DGLUCY: variants seen among roughly 807,000 people sequenced by gnomAD.
DGLUCY encodes the protein D-glutamate cyclase, also known as D-glutamate cyclase, mitochondrial.
A neutral mutation model predicts 58.5 loss-of-function variants in DGLUCY; 58 were observed. That is an observed-to-expected ratio of 0.99 (90% CI 0.80 to 1.23). DGLUCY has a LOEUF of 1.23. Ranked by LOEUF, DGLUCY falls within the 50% of genes most tolerant of loss-of-function variation. The pLI is 0.00. For synonymous variants in DGLUCY, 325 were observed against 314.1 expected (o/e 1.03, Z -0.37); for missense variants, 779 against 784.7 (o/e 0.99, Z 0.09).
At chr14:91,215,364 C>G (rs755162003) in intron 12 of DGLUCY, 41 bp from the exon 13 acceptor site, 1 of 1,568,494 alleles carries the variant, frequency 6.4e-7, no homozygotes, top group South Asian at 1.2e-5. Flanking sequence ...AGACACATGA[C>G]TTTTCCAACT....
At chr14:91,110,430 CTTT>C (rs10711938), upstream of DGLUCY, among the ~76,000 whole-genome samples, 28 of 88,044 alleles carry the variant, frequency 3.2e-4, no homozygotes, top group Non-Finnish European at 4.4e-4. Context: ...TTCTTTCTTT[CTTT>C]TTTTTTTTTT....
At chr14:91,152,638 ACT>A (rs545543772) in intron 1 of DGLUCY, among the ~76,000 whole-genome samples, 6 of 152,128 alleles carry the variant, frequency 3.9e-5, no homozygotes, top group Non-Finnish European at 8.8e-5. Flanking sequence ...ACCACCAGCA[ACT>A]CTCTTGGCAA....
At chr14:91,203,155 C>T (rs1354699470) in intron 11 of DGLUCY, among the ~76,000 whole-genome samples, 2 of 152,216 alleles carry the variant, frequency 1.3e-5, no homozygotes, top group Non-Finnish European at 2.9e-5. Flanking sequence ...AGATGGAATT[C>T]ATAAGATGCT....
chr14:91,184,540 C>G (rs2049365588), intron 8 of DGLUCY, among the ~76,000 whole-genome samples: 1 of 130,620 alleles, frequency 7.7e-6, no homozygotes, highest in Non-Finnish European at 1.6e-5. Flanking sequence ...GGCAATAGAG[C>G]AATACCCTGT....
chr14:91,137,654 C>T (rs1275418103), intron 1 of DGLUCY, among the ~76,000 whole-genome samples: 2 of 152,090 alleles, frequency 1.3e-5, no homozygotes, highest in African/African-American at 4.8e-5. Flanking sequence ...CTTAGCCTCC[C>T]AAAGTGCTGG....
chr14:91,123,415 C>T (rs1344389777), intron 1 of DGLUCY, among the ~76,000 whole-genome samples: 2 of 151,502 alleles, frequency 1.3e-5, no homozygotes, highest in Non-Finnish European at 2.9e-5. Context: ...TATTTAGAAA[C>T]GGAGCAGCCC....
chr14:91,110,298 C>A (rs1050618731), upstream of DGLUCY, among the ~76,000 whole-genome samples: 2 of 152,164 alleles, frequency 1.3e-5, no homozygotes. Context: ...CCTTCTGAGG[C>A]TCTGCATCTC....
chr14:91,139,565 A>G (rs55973234), intron 1 of DGLUCY, among the ~76,000 whole-genome samples: 3,001 of 152,250 alleles, frequency 0.02, 97 homozygotes, highest in African/African-American at 0.067. Context: ...TGTGCCTATA[A>G]TCCCAGCTAC....
At chr14:91,210,512 CAG>C (rs981629892) in intron 12 of DGLUCY, among the ~76,000 whole-genome samples, 18 of 152,042 alleles carry the variant, frequency 1.2e-4, no homozygotes, top group Admixed American at 7.9e-4. Context: ...GCCTTGGCAA[CAG>C]AGTGAGACTC....
At chr14:91,161,604 C>T (rs983474744) in intron 3 of DGLUCY, among the ~76,000 whole-genome samples, 7 of 152,048 alleles carry the variant, frequency 4.6e-5, no homozygotes, top group African/African-American at 1.7e-4. Context: ...TTACATGGGA[C>T]GCCATGAGAC....
chr14:91,206,383 CT>C (rs369099597), intron 12 of DGLUCY, among the ~76,000 whole-genome samples: 29 of 149,536 alleles, frequency 1.9e-4, no homozygotes, highest in African/African-American at 6.6e-4. Flanking sequence ...GCTACAGTTT[CT>C]TTTTTTTTTC....
intron 7 of DGLUCY, among the ~76,000 whole-genome samples, chr14:91,177,313 T>C (rs566592472): frequency 6.6e-6 from 1 of 152,324 alleles, no homozygotes; most frequent in Admixed American, 6.5e-5. Flanking sequence ...TGATTAAATA[T>C]ATATTTTTAT....
intron 3 of DGLUCY, among the ~76,000 whole-genome samples, chr14:91,161,483 G>C (rs1469913060): frequency 6.6e-6 from 1 of 152,224 alleles, no homozygotes; most frequent in Non-Finnish European, 1.5e-5. Context: ...GTTGGGGATA[G>C]ACCATCCAAG....
At chr14:91,101,167 G>C (rs1275226154) in intron 1 of DGLUCY, among the ~76,000 whole-genome samples, 1 of 152,140 alleles carries the variant, frequency 6.6e-6, no homozygotes, top group African/African-American at 2.4e-5. Context: ...ATATTTGATA[G>C]ATCAGTGGGG....
chr14:91,214,658 A>G (rs1310017213), intron 12 of DGLUCY, among the ~76,000 whole-genome samples: 1 of 152,186 alleles, frequency 6.6e-6, no homozygotes, highest in Non-Finnish European at 1.5e-5. Flanking sequence ...GTTTAGAGCA[A>G]GGGTTTTCAA....
At chr14:91,173,899 A>G (rs921954195) in intron 6 of DGLUCY, 5 of 152,060 alleles carry the variant, frequency 3.3e-5, no homozygotes, top group African/African-American at 1.2e-4. Flanking sequence ...GGTTTTGTCC[A>G]CAATTCCTGG....
At chr14:91,206,640 C>T (rs912770712) in intron 12 of DGLUCY, among the ~76,000 whole-genome samples, 2 of 152,150 alleles carry the variant, frequency 1.3e-5, no homozygotes, top group African/African-American at 4.8e-5. Context: ...ACCTCAGCCT[C>T]CCAAAGTGCT....
At chr14:91,085,329 C>A (rs986396768) in intron 1 of DGLUCY, among the ~76,000 whole-genome samples, 12 of 152,044 alleles carry the variant, frequency 7.9e-5, no homozygotes, top group African/African-American at 2.9e-4. Context: ...CAGTCCTGAC[C>A]TCTGCCTGGG....
At chr14:91,160,205 G>A in intron 2 of DGLUCY, 61 bp from the exon 3 acceptor site, 1 of 1,034,760 alleles carries the variant, frequency 9.7e-7, no homozygotes, top group Non-Finnish European at 1.5e-6. Context: ...ATGTGAGGCT[G>A]AATCTGCTGC....
Sources: gnomAD v4.1 joint callset for allele counts (sites outside exome capture counted in the v4.1 genomes callset) on GRCh38, gnomAD v4.1.1 for gene constraint, MANE v1.5 for transcripts, NCBI Gene and HGNC (gene_info 2026-07-23, HGNC 2026-07-21) for gene names.